Variants in WDR17 observed in about 807,000 individuals in gnomAD.
WDR17 encodes the protein WD repeat-containing protein 17.
Under a neutral mutation model 161.7 loss-of-function variants are expected in WDR17, and 143 were observed. That is an observed-to-expected ratio of 0.88 (90% CI 0.77 to 1.02). The LOEUF (loss-of-function observed/expected upper bound fraction) is 1.02, where lower values mean the gene tolerates loss of function less well. Among genes scored for constraint, WDR17 ranks in the 50% least tolerant of loss-of-function variants. WDR17 has a pLI of 0.00. For synonymous variants in WDR17, 517 were observed against 515.6 expected (o/e 1.00, Z -0.04); for missense variants, 1,469 against 1,520.9 (o/e 0.97, Z 0.57).
At chr4:176,168,962 T>A (rs1750297120) in intron 23 of WDR17, among the ~76,000 whole-genome samples, 179 bp downstream of exon 23, 1 of 152,344 alleles carries the variant, frequency 6.6e-6, no homozygotes, top group African/African-American at 2.4e-5. Flanking sequence ...TGCTATGTGC[T>A]TGGCACTCTT....
chr4:176,119,212 C>T (rs1367011813), intron 3 of WDR17, among the ~76,000 whole-genome samples: 1 of 151,776 alleles, frequency 6.6e-6, no homozygotes, highest in Non-Finnish European at 1.5e-5. Context: ...TGTAAATGTA[C>T]CTTTACATAA....
At position 176,099,416 on chromosome 4, in the gene WDR17, G is replaced by A. The variant is rs74344137; in HGVS notation, c.-6-12159G>A. Reference sequence around the variant, plus strand: ...GGTCTGAGGGTTAAAAACTTCACGGGAACCCAGTAATGGGGGTGGCGGGGG... The same window carrying A: ...GGTCTGAGGGTTAAAAACTTCACGGAAACCCAGTAATGGGGGTGGCGGGGG... On this transcript the variant is annotated intron_variant, in intron 1 of 28. Coordinates refer to ENST00000508596, the MANE Select transcript of WDR17 (RefSeq NM_181265.4). 4.3e-3 allele frequency among the ~76,000 whole-genome samples: 657 copies of A among 152,230 alleles called. 5 individuals are homozygous for A. Among genetic ancestry groups the A allele is most frequent in the African/African-American group, 0.015 (612 of 41,528 alleles).
rs1174480809 is a variant in WDR17 at position 176,179,440 on chromosome 4, C to G, written c.3733-20C>G. The G allele has an allele frequency of 2.0e-6, 3 of 1,494,748 alleles. No homozygotes were observed. The highest frequency in any genetic ancestry group is 2.7e-6 in the Non-Finnish European group (3 of 1,122,462). 92.6% of individuals were successfully genotyped at this position (1,494,748 alleles called of 1,614,324 possible). A position where few individuals can be genotyped will look rare whatever the true frequency, so the allele number is the denominator to read the frequency against. ...AAATTTATAATCTCATCTTCTCTTT[C>G]CTCAACTCTCACTGTGCAGGGCCCT... is the stretch of plus-strand genomic sequence containing the variant. On this transcript the variant is annotated intron_variant, in intron 28 of 28. Coordinates refer to ENST00000508596, the MANE Select transcript of WDR17 (RefSeq NM_181265.4).
intron 1 of WDR17, among the ~76,000 whole-genome samples, chr4:176,087,392 A>C (rs2126614355): frequency 6.6e-6 from 1 of 152,148 alleles, no homozygotes; most frequent in Middle Eastern, 3.4e-3. Flanking sequence ...ATTTCTGTTG[A>C]TCTTTGACTG....
At chr4:176,149,995 T>G in intron 14 of WDR17, 39 bp downstream of exon 14, 1 of 1,609,924 alleles carries the variant, frequency 6.2e-7, no homozygotes, top group Non-Finnish European at 8.5e-7. Flanking sequence ...TATTTCTAAA[T>G]AAGTTTTATG....
intron 7 of WDR17, 147 bp from the exon 8 acceptor site, chr4:176,134,961 C>T: frequency 1.4e-6 from 1 of 726,444 alleles, no homozygotes; most frequent in South Asian, 1.9e-5. Context: ...GTAGTGATTC[C>T]AGTTTTCTGT....
chr4:176,141,666 C>G (rs193252483), intron 10 of WDR17, among the ~76,000 whole-genome samples: 1 of 152,260 alleles, frequency 6.6e-6, no homozygotes, highest in East Asian at 1.9e-4. Flanking sequence ...CCCCTGACCT[C>G]AAGTGATCCA....
intron 22 of WDR17, among the ~76,000 whole-genome samples, chr4:176,168,026 A>C (rs1750142058): frequency 6.6e-6 from 1 of 151,916 alleles, no homozygotes; most frequent in South Asian, 2.1e-4. Flanking sequence ...ACGTGCCTGT[A>C]ATCCCAGCTA....
At chr4:176,111,786 A>G (rs1053523201) in intron 2 of WDR17, 83 bp downstream of exon 2, 8 of 1,199,628 alleles carry the variant, frequency 6.7e-6, no homozygotes, top group Non-Finnish European at 7.6e-6. Context: ...TCCTTGTTAC[A>G]TGAAAAACAT....
chr4:176,135,604 G>A (rs1157403053), intron 8 of WDR17, among the ~76,000 whole-genome samples: 1 of 151,496 alleles, frequency 6.6e-6, no homozygotes, highest in African/African-American at 2.4e-5. Flanking sequence ...GAGGTTTTCT[G>A]GAAAGTTTTA....
chr4:176,125,477 A>G (rs953288529), intron 5 of WDR17, 122 bp downstream of exon 5: 2 of 1,154,474 alleles, frequency 1.7e-6, no homozygotes, highest in African/African-American at 3.1e-5. Flanking sequence ...ATTATTATTT[A>G]TTGTAGTAAA....
At chr4:176,095,000 T>C (rs892876826) in intron 1 of WDR17, among the ~76,000 whole-genome samples, 5 of 152,068 alleles carry the variant, frequency 3.3e-5, no homozygotes, top group Admixed American at 6.6e-5. Flanking sequence ...AAATGGAGTT[T>C]AGGAGCTTGG....
At chr4:176,121,405 TG>T (rs1741562640) in intron 4 of WDR17, among the ~76,000 whole-genome samples, 1 of 152,010 alleles carries the variant, frequency 6.6e-6, no homozygotes. Context: ...ATAATAAATA[TG>T]GCTGTATGCT....
chr4:176,164,948 A>G (rs954794770), intron 22 of WDR17, among the ~76,000 whole-genome samples: 3 of 152,124 alleles, frequency 2.0e-5, no homozygotes, highest in African/African-American at 7.2e-5. Flanking sequence ...CCTAATTGAA[A>G]TTATTTATTC....
chr4:176,127,850 C>T (rs930209195), intron 5 of WDR17, among the ~76,000 whole-genome samples: 13 of 152,212 alleles, frequency 8.5e-5, no homozygotes, highest in African/African-American at 3.1e-4. Flanking sequence ...TAATTACTTT[C>T]TATCTCTGTG....
At chr4:176,112,236 C>G (rs942456777) in intron 2 of WDR17, among the ~76,000 whole-genome samples, 2 of 152,158 alleles carry the variant, frequency 1.3e-5, no homozygotes, top group African/African-American at 4.8e-5. Context: ...CTTTGACTCC[C>G]TCTTCCACTC....
intron 1 of WDR17, among the ~76,000 whole-genome samples, chr4:176,090,347 C>G (rs535856357): frequency 6.6e-6 from 1 of 152,016 alleles, no homozygotes; most frequent in Non-Finnish European, 1.5e-5. Context: ...AGCTCCTCTT[C>G]CCCTCTGCAA....
In WDR17 at chr4:176,163,152, A is replaced by G; in HGVS notation, c.2851-2A>G. 3.7e-6 allele frequency: 6 copies of G among 1,614,106 alleles called. No homozygotes were observed. In the South Asian group the frequency reaches 6.6e-5, roughly 18 times the overall value. On this transcript the variant is annotated splice_acceptor_variant, in intron 21 of 28. Coordinates refer to ENST00000508596, the MANE Select transcript of WDR17 (RefSeq NM_181265.4). LOFTEE classifies it high-confidence loss of function. Reference sequence around the variant, plus strand: ...GAAGAAATTATTTTCTTATTGAGCAAGCTTGCTATGGCATACCTGATTCGC... The same window carrying G: ...GAAGAAATTATTTTCTTATTGAGCAGGCTTGCTATGGCATACCTGATTCGC...
intron 6 of WDR17, 121 bp from the exon 7 acceptor site, chr4:176,131,433 A>C: frequency 1.0e-6 from 1 of 960,766 alleles, no homozygotes; most frequent in Non-Finnish European, 1.5e-6. Context: ...GTGGGAGAAT[A>C]TATGATCATT....
Sources: allele counts gnomAD v4.1 joint callset (sites outside exome capture counted in the v4.1 genomes callset), GRCh38; gene constraint gnomAD v4.1.1; transcripts MANE v1.5; gene names NCBI Gene and HGNC (gene_info 2026-07-23, HGNC 2026-07-21).